The following PAX5 variants were observed in gnomAD, a reference collection of about 807,000 sequenced individuals.
The protein encoded by PAX5 is paired box 5.
In PAX5, 9 loss-of-function variants were observed where a neutral mutation model predicts 43.7. The ratio of observed to expected loss-of-function variants is 0.21; its 90% confidence interval spans 0.12 to 0.36. The LOEUF (loss-of-function observed/expected upper bound fraction) is 0.36. PAX5 is among the 10% of genes least tolerant of loss of function. PAX5 has a pLI of 1.00. For missense variants in PAX5, 383 were observed against 532.7 expected (o/e 0.72, Z 2.77); for synonymous variants, 228 against 214.3 (o/e 1.06, Z -0.56).
chr9:36,863,958 A>C (rs1396323259), intron 8 of PAX5, among the ~76,000 whole-genome samples: 1 of 152,146 alleles, frequency 6.6e-6, no homozygotes, highest in Admixed American at 6.5e-5. Flanking sequence ...AAAATACAAA[A>C]ATTAGCTGGG....
intron 6 of PAX5, among the ~76,000 whole-genome samples, chr9:36,929,251 AAGGAAGG>A (rs1830924493): frequency 2.8e-5 from 1 of 35,902 alleles, no homozygotes; most frequent in Non-Finnish European, 6.3e-5. Flanking sequence ...GGAAGGAAGG[AAGGAAGG>A]AAGGAAGGAA....
intron 6 of PAX5, among the ~76,000 whole-genome samples, chr9:36,951,918 C>T (rs1372365968): frequency 3.3e-5 from 5 of 152,130 alleles, no homozygotes; most frequent in South Asian, 2.1e-4. Context: ...CACAGCCTAA[C>T]GTTTATCAAT....
rs73648167 is a variant in PAX5 at position 36,902,606 on chromosome 9, A to G, written c.911-20501T>C. On this transcript the variant is annotated intron_variant, in intron 7 of 9. Coordinates refer to ENST00000358127, the MANE Select transcript of PAX5 (RefSeq NM_016734.3). Reference sequence around the variant, plus strand: ...AGCCCAGGTGGAGAGGGGCCAAAATAGGCTGCAGGATCCGAGTGGGGAGTG... The same window carrying G: ...AGCCCAGGTGGAGAGGGGCCAAAATGGGCTGCAGGATCCGAGTGGGGAGTG... Among the ~76,000 whole-genome samples, 838 of 152,332 alleles carry G rather than the reference A, an allele frequency of 5.5e-3. 5 individuals are homozygous for G. The highest frequency in any genetic ancestry group is 0.018 in the African/African-American group (737 of 41,574).
intron 8 of PAX5, among the ~76,000 whole-genome samples, chr9:36,859,068 C>T (rs147900700): frequency 6.6e-6 from 1 of 152,142 alleles, no homozygotes; most frequent in Non-Finnish European, 1.5e-5. Context: ...CCAGGACGCT[C>T]GGGGTTCACT....
intron 1 of PAX5, among the ~76,000 whole-genome samples, chr9:37,021,719 C>T (rs1053704903): frequency 6.6e-6 from 1 of 152,172 alleles, no homozygotes; most frequent in African/African-American, 2.4e-5. Context: ...GACACAAGGA[C>T]TCAAGTAAAT....
chr9:36,956,215 A>G (rs922639283), intron 6 of PAX5, among the ~76,000 whole-genome samples: 5 of 152,240 alleles, frequency 3.3e-5, no homozygotes, highest in African/African-American at 1.2e-4. Context: ...GACATGGCAT[A>G]TCTGTAAAAA....
chr9:37,013,026 G>A (rs1001808910), intron 3 of PAX5, among the ~76,000 whole-genome samples: 1 of 152,044 alleles, frequency 6.6e-6, no homozygotes, highest in Non-Finnish European at 1.5e-5. Context: ...GAGGTAGGAG[G>A]ATTGCTTGAG....
chr9:36,879,793 G>A (rs890434205), intron 8 of PAX5, among the ~76,000 whole-genome samples: 2 of 152,216 alleles, frequency 1.3e-5, no homozygotes, highest in African/African-American at 2.4e-5. Flanking sequence ...ATCCATGGAC[G>A]CGGCTTGGGG....
At chr9:36,957,852 G>A (rs1362856635) in intron 6 of PAX5, among the ~76,000 whole-genome samples, 1 of 152,050 alleles carries the variant, frequency 6.6e-6, no homozygotes, top group South Asian at 2.1e-4. Flanking sequence ...CGCAAACTAC[G>A]AAATTCTTAT....
At chr9:36,878,299 T>C (rs983042956) in intron 8 of PAX5, among the ~76,000 whole-genome samples, 1 of 152,226 alleles carries the variant, frequency 6.6e-6, no homozygotes, top group African/African-American at 2.4e-5. Context: ...GATAACTTGA[T>C]ACGTGTTAGG....
rs141933885 is a variant in PAX5, at chr9:36,839,901, C to T, written c.*659G>A. 2 of 234,630 alleles carry T rather than the reference C, an allele frequency of 8.5e-6. No individual in the cohort carries two copies. The highest frequency in any genetic ancestry group is 6.0e-5 in the East Asian group (1 of 16,590). 14.5% of individuals were successfully genotyped at this position (234,630 alleles called of 1,614,324 possible). The stretch of plus-strand genomic sequence containing the variant: ...AAAGTGTGCTCCTCTTGGAGAGGGG[C>T]CTCAGGGGGAGCCTGCAGCACAACC... On this transcript the variant is annotated 3_prime_UTR_variant, in exon 10 of 10. Coordinates refer to ENST00000358127, the MANE Select transcript of PAX5 (RefSeq NM_016734.3).
chr9:36,977,942 T>C (rs2132259590), intron 5 of PAX5, among the ~76,000 whole-genome samples: 1 of 152,306 alleles, frequency 6.6e-6, no homozygotes, highest in Non-Finnish European at 1.5e-5. Flanking sequence ...TGATTAGAAT[T>C]CAGGAGTTGG....
chr9:36,921,802 T>TC (rs1830191559), intron 7 of PAX5, among the ~76,000 whole-genome samples: 1 of 152,062 alleles, frequency 6.6e-6, no homozygotes. Flanking sequence ...CAGCTCTAAC[T>TC]CCCCCTTACC....
At chr9:37,027,046 G>T (rs1840458430) in intron 1 of PAX5, among the ~76,000 whole-genome samples, 1 of 152,192 alleles carries the variant, frequency 6.6e-6, no homozygotes, top group Admixed American at 6.5e-5. Flanking sequence ...CCGCGGCCTC[G>T]ATGCTTCTGA....
intron 8 of PAX5, among the ~76,000 whole-genome samples, chr9:36,851,819 C>T (rs1823185478): frequency 6.6e-6 from 1 of 152,184 alleles, no homozygotes; most frequent in South Asian, 2.1e-4. Flanking sequence ...TCTCTAGCTG[C>T]TGTTGACAGA....
chr9:36,839,045 C>A lies in PAX5; in HGVS notation c.*1515G>T. 4.3e-6 allele frequency: 1 copy of A among 233,346 alleles called. No homozygotes were observed. The allele number at this position is 233,346 out of a possible 1,614,324, so 14.5% of individuals were successfully genotyped here. A position where few individuals can be genotyped will look rare whatever the true frequency, so the allele number is the denominator to read the frequency against. The stretch of plus-strand genomic sequence containing the variant: ...TTCAGCCCAGGTTTGGACAAGGGCT[C>A]TACCTGGCTGTTCTGACTTGACAAG... On this transcript the variant is annotated 3_prime_UTR_variant, in exon 10 of 10. Coordinates refer to ENST00000358127, the MANE Select transcript of PAX5 (RefSeq NM_016734.3).
At chr9:36,868,016 C>T (rs532364443) in intron 8 of PAX5, among the ~76,000 whole-genome samples, 6 of 151,976 alleles carry the variant, frequency 3.9e-5, no homozygotes, top group African/African-American at 1.4e-4. Flanking sequence ...GAGTGACAGT[C>T]AAGTGAAAGG....
chr9:36,843,127 C>T (rs1005702787), intron 9 of PAX5, among the ~76,000 whole-genome samples: 2 of 150,988 alleles, frequency 1.3e-5, no homozygotes, highest in South Asian at 2.1e-4. Flanking sequence ...TGTGAGCGTG[C>T]GTCTGTGTGT....
chr9:36,843,507 C>T (rs13290697), intron 9 of PAX5, among the ~76,000 whole-genome samples: 56 of 152,204 alleles, frequency 3.7e-4, no homozygotes, highest in Non-Finnish European at 6.5e-4. Context: ...AATTTACATC[C>T]GAGGCAACTG....
Sources: allele counts gnomAD v4.1 joint callset (sites outside exome capture counted in the v4.1 genomes callset), GRCh38; gene constraint gnomAD v4.1.1; transcripts MANE v1.5; gene names NCBI Gene and HGNC (gene_info 2026-07-23, HGNC 2026-07-21).